Variants in PDE1C observed in about 807,000 individuals in gnomAD.
PDE1C encodes the protein phosphodiesterase 1C.
In PDE1C, 62 loss-of-function variants were observed where a neutral mutation model predicts 93.1. The ratio of observed to expected loss-of-function variants is 0.67; its 90% CI spans 0.54 to 0.82. The LOEUF (loss-of-function observed/expected upper bound fraction) is 0.82, where lower values mean the gene tolerates loss of function less well. Among genes scored for constraint, PDE1C ranks in the 40% least tolerant of loss-of-function variants. The pLI is 0.00. For missense variants in PDE1C, 742 were observed against 884.6 expected (o/e 0.84, Z 2.04); for synonymous variants, 325 against 310.1 (o/e 1.05, Z -0.50).
chr7:31,760,514 A>T (rs1377020244), intron 17 of PDE1C, among the ~76,000 whole-genome samples: 1 of 152,088 alleles, frequency 6.6e-6, no homozygotes, highest in East Asian at 1.9e-4. Context: ...TGACCTTTGG[A>T]ACCCCACACT....
intron 9 of PDE1C, among the ~76,000 whole-genome samples, chr7:31,839,358 G>A (rs562465413): frequency 1.5e-4 from 21 of 135,930 alleles, no homozygotes; most frequent in Admixed American, 1.2e-3. Flanking sequence ...ACATACATAC[G>A]CATTATATAT....
chr7:31,861,265 T>C (rs1246500593), intron 7 of PDE1C, among the ~76,000 whole-genome samples: 2 of 152,200 alleles, frequency 1.3e-5, no homozygotes, highest in East Asian at 1.9e-4. Context: ...TTAGTTTCTA[T>C]TGTTGGCTCT....
chr7:31,895,106 C>T (rs1799112370), intron 2 of PDE1C, among the ~76,000 whole-genome samples: 2 of 152,192 alleles, frequency 1.3e-5, no homozygotes, highest in Admixed American at 1.3e-4. Flanking sequence ...AGACCACCTG[C>T]ATCTTCCTCA....
At chr7:32,075,498 G>A (rs1420143399), upstream of PDE1C, among the ~76,000 whole-genome samples, 3 of 152,102 alleles carry the variant, frequency 2.0e-5, no homozygotes, top group Non-Finnish European at 4.4e-5. Flanking sequence ...CCTCTTTGGC[G>A]ACACTGTTAC....
chr7:32,051,210 T>C (rs998591888), intron 2 of PDE1C, among the ~76,000 whole-genome samples: 1 of 152,216 alleles, frequency 6.6e-6, no homozygotes, highest in Non-Finnish European at 1.5e-5. Context: ...AAACATGTTA[T>C]ATAAAGACCG....
At chr7:32,172,915 T>C (rs1391526769) in intron 2 of PDE1C, among the ~76,000 whole-genome samples, 1 of 150,736 alleles carries the variant, frequency 6.6e-6, no homozygotes, top group African/African-American at 2.4e-5. Flanking sequence ...GGTTGGAGTG[T>C]AAATTAGTTC....
chr7:32,409,495 G>A (rs1288434107), intron 1 of PDE1C, among the ~76,000 whole-genome samples: 2 of 152,012 alleles, frequency 1.3e-5, no homozygotes, highest in Non-Finnish European at 2.9e-5. Flanking sequence ...GAGTATCATT[G>A]CAAAAAGCCA....
chr7:31,976,740 A>G (rs73096614), intron 2 of PDE1C, among the ~76,000 whole-genome samples: 2,185 of 152,194 alleles, frequency 0.014, 16 homozygotes, highest in Admixed American at 0.023. Context: ...TAAAACATAT[A>G]TCGAATTATA....
intron 1 of PDE1C, among the ~76,000 whole-genome samples, chr7:32,408,262 C>T (rs1785097511): frequency 6.6e-6 from 1 of 152,200 alleles, no homozygotes; most frequent in East Asian, 1.9e-4. Flanking sequence ...CTGCTACACT[C>T]ACAATCTTGA....
chr7:31,953,820 T>C (rs762522497), intron 2 of PDE1C, among the ~76,000 whole-genome samples: 1 of 151,992 alleles, frequency 6.6e-6, no homozygotes, highest in Non-Finnish European at 1.5e-5. Flanking sequence ...AGACAATAAG[T>C]CTTGTCCTGA....
Position 31,865,019 on chromosome 7 carries a change from T to C in PDE1C, c.673A>G (p.Asn225Asp). 6.2e-7 allele frequency: 1 copy of C among 1,614,074 alleles called. No individual in the cohort carries two copies. Residue 225 changes from asparagine (N) to aspartate (D), a missense_variant, in exon 7 of 18, where the codon AAT (asparagine) becomes GAT (aspartate). Asn to Asp is a conservative substitution (Grantham distance 23). Around this residue, in one of 4 missense-constraint regions of PDE1C, gnomAD observed 205 missense variants for 295.3 expected, o/e 0.69. Transcript: ENST00000396191. ...ALEVGYSKHK[N>D]PYHNLMHAAD... is the part of the protein sequence containing the mutation. ...GCGTGCATTAAGTTATGGTAAGGATTTTTGTGCTTGCTGTATCCCACTTCC... is the reference window on the plus strand; with the variant it reads ...GCGTGCATTAAGTTATGGTAAGGATCTTTGTGCTTGCTGTATCCCACTTCC...
At chr7:31,671,323 C>G in the PDE1C span, among the ~76,000 whole-genome samples, 7 of 152,280 alleles carry the variant, frequency 4.6e-5, no homozygotes, top group Non-Finnish European at 1.0e-4. Context: ...CAAAAGTGCT[C>G]ACCCTGGCTC....
chr7:32,341,545 A>C (rs776736084), intron 1 of PDE1C, among the ~76,000 whole-genome samples: 1 of 152,170 alleles, frequency 6.6e-6, no homozygotes, highest in Non-Finnish European at 1.5e-5. Flanking sequence ...GGAGAGAAAG[A>C]GCCCAAACAA....
chr7:32,205,605 C>G (rs1441938390), intron 2 of PDE1C, among the ~76,000 whole-genome samples: 1 of 152,130 alleles, frequency 6.6e-6, no homozygotes, highest in African/African-American at 2.4e-5. Flanking sequence ...CAGGCCAACC[C>G]CCCAGCCAAC....
At chr7:31,689,030 G>A in the PDE1C span, among the ~76,000 whole-genome samples, 1 of 152,188 alleles carries the variant, frequency 6.6e-6, no homozygotes, top group African/African-American at 2.4e-5. Context: ...TCATAGTTTT[G>A]CTGCAGAAAT....
At chr7:32,009,448 A>G (rs1292466889) in intron 2 of PDE1C, among the ~76,000 whole-genome samples, 1 of 152,238 alleles carries the variant, frequency 6.6e-6, no homozygotes, top group African/African-American at 2.4e-5. Flanking sequence ...ACGCATGCAT[A>G]TGAGAAAGAC....
At chr7:32,356,481 G>A (rs1215564911) in intron 1 of PDE1C, among the ~76,000 whole-genome samples, 1 of 152,208 alleles carries the variant, frequency 6.6e-6, no homozygotes, top group Non-Finnish European at 1.5e-5. Flanking sequence ...GTGAATTATA[G>A]TTGTTTCCTT....
intron 1 of PDE1C, among the ~76,000 whole-genome samples, chr7:32,220,572 T>G (rs1489632823): frequency 6.6e-6 from 1 of 152,026 alleles, no homozygotes; most frequent in African/African-American, 2.4e-5. Context: ...TCCCAGCACT[T>G]TGGGAGGCCG....
At chr7:32,015,772 A>G (rs933435804) in intron 2 of PDE1C, among the ~76,000 whole-genome samples, 2 of 152,194 alleles carry the variant, frequency 1.3e-5, no homozygotes, top group African/African-American at 4.8e-5. Flanking sequence ...TTAGTATACA[A>G]GGAGCTTTTT....
Sources: gnomAD v4.1 joint callset for allele counts (sites outside exome capture counted in the v4.1 genomes callset) on GRCh38, gnomAD v4.1.1 for gene constraint, gnomAD v4.1.1 regional missense constraint, MANE v1.5 for transcripts, NCBI Gene and HGNC (gene_info 2026-07-23, HGNC 2026-07-21) for gene names.